PUSL1: variants seen among roughly 807,000 people sequenced by gnomAD.
PUSL1 encodes tRNA pseudouridine synthase-like 1.
Under a neutral mutation model 30.7 loss-of-function variants are expected in PUSL1, and 51 were observed. The observed-to-expected ratio is 1.66, with a 90% CI of 1.33 to 2.10. The LOEUF is 2.10. PUSL1 is among the 30% of genes most tolerant of loss of function. PUSL1 has a pLI of 0.00. For synonymous variants in PUSL1, 290 were observed against 192.1 expected, an observed-to-expected ratio of 1.51 and a Z score of -4.21; for missense variants, 609 against 427.6, an observed-to-expected ratio of 1.42 and a Z score of -3.74.
At position 1,309,596 on chromosome 1, in the gene PUSL1, CCG is replaced by C; in HGVS notation, c.467_468del (p.Pro156ArgfsTer69). The C allele has an allele frequency of 6.2e-7, 1 of 1,611,020 alleles. No individual in the cohort carries two copies. Among genetic ancestry groups the C allele is most frequent in the Non-Finnish European group, 8.5e-7 (1 of 1,178,990 alleles). On this transcript the variant is annotated frameshift_variant, in exon 4 of 8. Transcript: ENST00000379031. LOFTEE classifies it high-confidence loss of function. ...VFERNLCWTL[P>X]ADCLDMVAMQ... ...TGAACGCAACCTATGCTGGACTCTC[CCG>C]GCAGAGTGAGTGTGGCCCTGACAGC... is the stretch of plus-strand genomic sequence containing the variant.
At chr1:1,309,398 G>A (rs562805959) in intron 3 of PUSL1, 56 bp from the exon 4 acceptor site, 12 of 1,526,576 alleles carry the variant, frequency 7.9e-6, no homozygotes, top group African/African-American at 2.7e-5. Flanking sequence ...GAGAGCCAAT[G>A]TGACACCGCG....
rs1018956388 is a variant in PUSL1, at chr1:1,311,556, G to C, written c.*177G>C. ...TCTGTCCCAGGCGGGATGGGGCACAGTGCAGGACACAGCCATGTACACCAA... is the reference window on the plus strand; with the variant it reads ...TCTGTCCCAGGCGGGATGGGGCACACTGCAGGACACAGCCATGTACACCAA... On this transcript the variant is annotated 3_prime_UTR_variant, in exon 8 of 8. Coordinates refer to ENST00000379031, the MANE Select transcript of PUSL1 (RefSeq NM_153339.3). 6 of 744,202 alleles carry C rather than the reference G, an allele frequency of 8.1e-6. No homozygotes were observed. The Admixed American group carries it at 1.0e-4, about 12-fold the overall frequency. The allele number at this position is 744,202 out of a possible 1,614,324, so 46.1% of individuals were successfully genotyped here.
chr1:1,311,551 G>A lies in PUSL1; in HGVS notation c.*172G>A, dbSNP rs1030825817. 6.6e-6 allele frequency: 5 copies of A among 752,826 alleles called. No homozygotes were observed. The highest frequency in any genetic ancestry group is 5.2e-5 in the African/African-American group (3 of 58,160). 46.6% of individuals were successfully genotyped at this position (752,826 alleles called of 1,614,324 possible). A position where few individuals can be genotyped will look rare whatever the true frequency, so the allele number is the denominator to read the frequency against. The stretch of plus-strand genomic sequence containing the variant: ...CCGTCTCTGTCCCAGGCGGGATGGG[G>A]CACAGTGCAGGACACAGCCATGTAC... On this transcript the variant is annotated 3_prime_UTR_variant, in exon 8 of 8. Coordinates refer to ENST00000379031, the MANE Select transcript of PUSL1 (RefSeq NM_153339.3).
At chr1:1,309,388 G>C in intron 3 of PUSL1, 66 bp from the exon 4 acceptor site, 37 of 1,510,776 alleles carry the variant, frequency 2.4e-5, no homozygotes, top group Non-Finnish European at 3.3e-5. Flanking sequence ...GAGGGGGAAG[G>C]AGAGCCAATG....
At chr1:1,310,750 A>C in intron 6 of PUSL1, 62 bp downstream of exon 6, 1 of 1,612,110 alleles carries the variant, frequency 6.2e-7, no homozygotes, top group Non-Finnish European at 8.5e-7. Context: ...GCCCCTGTGC[A>C]GTCTTGGCTC....
At position 1,310,643 on chromosome 1, in the gene PUSL1, G is replaced by A. The variant is rs767049785; in HGVS notation, c.654G>A (p.Arg218=). The A allele has an allele frequency of 2.5e-6, 4 of 1,578,008 alleles. No individual in the cohort carries two copies. Among genetic ancestry groups the A allele is most frequent in the Admixed American group, 1.8e-5 (1 of 56,554 alleles). ...LVTPEESRKL[R]FWNLEFESQS... ...GTACGTATTTTTCCAGGAAGCTGCG[G>A]TTCTGGAACCTGGAGTTTGAGAGCC... The change falls in exon 6 of 8, where the codon CGG becomes CGA. Residue 218 remains arginine, a synonymous_variant. Transcript: ENST00000379031.
intron 5 of PUSL1, 191 bp downstream of exon 5, chr1:1,310,042 G>A: frequency 3.6e-6 from 2 of 557,444 alleles, no homozygotes; most frequent in Non-Finnish European, 3.2e-6. Flanking sequence ...CCAGGCTGGG[G>A]AGCGGAGAAC....
chr1:1,308,839 C>T (rs1436978052), intron 1 of PUSL1, 76 bp from the exon 2 acceptor site: 19 of 1,423,190 alleles, frequency 1.3e-5, no homozygotes, highest in Non-Finnish European at 1.7e-5. Context: ...GGGAAGGAAG[C>T]GGCCCTGGCC....
At chr1:1,310,593 AAC>A in intron 5 of PUSL1, 39 bp from the exon 6 acceptor site, 1 of 1,461,444 alleles carries the variant, frequency 6.8e-7, no homozygotes, top group South Asian at 1.3e-5. Context: ...GAGGATGGCA[AAC>A]ACTGCCCCAC....
At chr1:1,310,717 G>T (rs757223778) in intron 6 of PUSL1, 29 bp downstream of exon 6, 47 of 1,610,934 alleles carry the variant, frequency 2.9e-5, no homozygotes, top group Non-Finnish European at 3.9e-5. Context: ...CCGTCCCCAG[G>T]GGGTGGGGCT....
Position 1,309,860 on chromosome 1 carries a change from G to T in PUSL1, c.644+9G>T, listed in dbSNP as rs548036388. 3.9e-5 allele frequency: 58 copies of T among 1,486,426 alleles called. No individual in the cohort carries two copies. In the South Asian group the frequency reaches 7.1e-4, roughly 18 times the overall value. 92.1% of individuals were successfully genotyped at this position (1,486,426 alleles called of 1,614,324 possible). On this transcript the variant is annotated intron_variant, in intron 5 of 7. Coordinates refer to ENST00000379031, the MANE Select transcript of PUSL1 (RefSeq NM_153339.3). Reference sequence around the variant, plus strand: ...ACCCCCGAGGAGAGCAGGTGAGGAAGGGCCCCTGGGCTGTGGCCCTGCCCT... The same window carrying T: ...ACCCCCGAGGAGAGCAGGTGAGGAATGGCCCCTGGGCTGTGGCCCTGCCCT...
chr1:1,309,206 C>A lies in PUSL1; in HGVS notation c.256C>A (p.Arg86=). The A allele has an allele frequency of 6.5e-7, 1 of 1,528,756 alleles. No homozygotes were observed. Among genetic ancestry groups the A allele is most frequent in the Non-Finnish European group, 8.7e-7 (1 of 1,146,958 alleles). The allele number at this position is 1,528,756 out of a possible 1,614,324, so 94.7% of individuals were successfully genotyped here. The change falls in exon 3 of 8, where the codon CGG becomes AGG. Residue 86 remains arginine (R), a synonymous_variant. Transcript: ENST00000379031. ...CCTGGACGTCCAGCGCCGCTCAGGC[C>A]GGCCGCCCTTCCCGCCCGAGGTCCT... ...AHLDVQRRSG[R]PPFPPEVLAE... is the part of the protein sequence containing the mutation.
At position 1,310,486 on chromosome 1, in the gene PUSL1, G is replaced by A; in HGVS notation, c.645-148G>A. On this transcript the variant is annotated intron_variant, in intron 5 of 7. Coordinates refer to ENST00000379031, the MANE Select transcript of PUSL1 (RefSeq NM_153339.3). Reference sequence around the variant, plus strand: ...CTCCAATGGGCCTCACTGGGGGCAGGAGATCAGCCAGGGCCCCTGGTGGCC... The same window carrying A: ...CTCCAATGGGCCTCACTGGGGGCAGAAGATCAGCCAGGGCCCCTGGTGGCC... 5.9e-6 allele frequency: 4 copies of A among 681,866 alleles called. No homozygotes were observed. The South Asian group carries it at 7.2e-5, about 12-fold the overall frequency. The allele number at this position is 681,866 out of a possible 1,614,324, so 42.2% of individuals were successfully genotyped here.
Position 1,309,266 on chromosome 1 carries a change from G to A in PUSL1, c.316G>A (p.Ala106Thr), listed in dbSNP as rs200293027. Residue 106 changes from alanine to threonine, a missense_variant, in exon 3 of 8, where the codon GCC becomes ACC. Transcript: ENST00000379031. Reference sequence around the variant, plus strand: ...CCTCAACACACACCTGCGGCACCCGGCCATCAGGTGAGCCCGCGACCTAAG... The same window carrying A: ...CCTCAACACACACCTGCGGCACCCGACCATCAGGTGAGCCCGCGACCTAAG... Reference protein sequence around the residue: ...EALNTHLRHPAIRVLRAFRVP... With the variant: ...EALNTHLRHPTIRVLRAFRVP... 1 of 1,481,592 alleles carries A rather than the reference G, an allele frequency of 6.7e-7. No homozygotes were observed. The highest frequency in any genetic ancestry group is 1.4e-5 in the South Asian group (1 of 73,642). The allele number at this position is 1,481,592 out of a possible 1,614,324, so 91.8% of individuals were successfully genotyped here. A position where few individuals can be genotyped will look rare whatever the true frequency, so the allele number is the denominator to read the frequency against.
At chr1:1,310,349 G>A (rs1180213993) in intron 5 of PUSL1, 1 of 455,030 alleles carries the variant, frequency 2.2e-6, no homozygotes, top group East Asian at 3.6e-5. Flanking sequence ...CCTGCACCAG[G>A]ACCCTAGGTG....
chr1:1,310,986 G>A lies in PUSL1; in HGVS notation c.777G>A (p.Glu259=), dbSNP rs907820810. 6 of 1,611,722 alleles carry A rather than the reference G, an allele frequency of 3.7e-6. No individual in the cohort carries two copies. In the African/African-American group the frequency reaches 4.1e-5, roughly 11 times the overall value. Residue 259 remains glutamate, a synonymous_variant, in exon 7 of 8, where the codon GAG becomes GAA. Transcript: ENST00000379031. ...LAPAQVKTIL[E]SQDPLGKHQT... is the part of the protein sequence containing the mutation. The stretch of plus-strand genomic sequence containing the variant: ...CTGCCCAGGTGAAGACGATTCTGGA[G>A]AGCCAAGATCCCCTGGGCAAGCACC...
intron 4 of PUSL1, 23 bp from the exon 5 acceptor site, chr1:1,309,656 CTG>C: frequency 6.3e-7 from 1 of 1,596,950 alleles, no homozygotes; most frequent in Middle Eastern, 1.7e-4. Flanking sequence ...CCCCACCCTC[CTG>C]ACGGTCACCC....
At chr1:1,310,554 C>T (rs1300513323) in intron 5 of PUSL1, 80 bp from the exon 6 acceptor site, 2 of 1,153,786 alleles carry the variant, frequency 1.7e-6, no homozygotes, top group South Asian at 1.5e-5. Context: ...CACCCTGTCA[C>T]TCTCCCGTCC....
rs1641971070 is a variant in PUSL1 at position 1,309,482 on chromosome 1, G to A, written c.352G>A (p.Asp118Asn). ...CCTGCGGGCCTTCCGAGTGCCCAGC[G>A]ACTTCCACGCTCGTCACGCAGCCAC... The part of the protein sequence containing the change: ...RVLRAFRVPS[D>N]FHARHAATSR... Residue 118 changes from aspartate (D) to asparagine (N), a missense_variant, in exon 4 of 8, where the codon GAC (aspartate) becomes AAC (asparagine). Coordinates refer to ENST00000379031, the MANE Select transcript of PUSL1 (RefSeq NM_153339.3). 4 of 1,607,050 alleles carry A rather than the reference G, an allele frequency of 2.5e-6. No individual in the cohort carries two copies.
Sources: allele counts gnomAD v4.1 joint callset, GRCh38; gene constraint gnomAD v4.1.1; transcripts MANE v1.5; gene names NCBI Gene and HGNC (gene_info 2026-07-23, HGNC 2026-07-21).